GRIN3B: variants seen among roughly 807,000 people sequenced by gnomAD.
The protein encoded by GRIN3B is glutamate receptor ionotropic, NMDA 3B.
GRIN3B carries 77 observed loss-of-function variants against 66.0 expected under a neutral mutation model. That is an observed-to-expected ratio of 1.17 (90% CI 0.97 to 1.41). The LOEUF is 1.41. Among genes scored for constraint, GRIN3B ranks in the 40% most tolerant of loss-of-function variants. The pLI is 0.00. For synonymous variants in GRIN3B, 823 were observed against 749.7 expected (o/e 1.10, Z -1.60); for missense variants, 1,787 against 1,564.5 (o/e 1.14, Z -2.40).
rs78844421 is a variant in GRIN3B, at chr19:1,005,428, C to T, written c.1927C>T (p.Arg643Cys). 9,884 of 1,613,606 alleles carry T rather than the reference C, an allele frequency of 6.1e-3. 546 individuals carry two copies. In the African/African-American group the frequency reaches 0.12, roughly 19 times the overall value. The change falls in exon 3 of 9, where the codon CGC becomes TGC. Residue 643 changes from arginine to cysteine, a missense_variant. By Grantham distance (180) the Arg-to-Cys change is radical. Transcript: ENST00000234389. The surrounding 1 kb of genome is among the most constrained non-coding windows in gnomAD (Gnocchi z 5.2). ...CAAGACGCCCAAGTGCCCCACGGGC[C>T]GCCTGCTCATGAACCTCTGGGCCAT... Reference protein sequence around the residue: ...SSKTPKCPTGRLLMNLWAIFC... With the variant: ...SSKTPKCPTGCLLMNLWAIFC...
rs762909644 is a variant in GRIN3B, at chr19:1,007,747, C to A, written c.2172C>A (p.Thr724=). The change falls in exon 4 of 9, where the codon ACC becomes ACA. Residue 724 remains threonine (T), a synonymous_variant. Coordinates refer to ENST00000234389, the MANE Select transcript of GRIN3B (RefSeq NM_138690.3). The surrounding 1 kb of genome is among the most constrained non-coding windows in gnomAD (Gnocchi z 4.4). ...ACATGCGGCGCCACAGCGCGCCCACCACGCCCCGCGGCGTCGCCATGCTCA... is the reference window on the plus strand; with the variant it reads ...ACATGCGGCGCCACAGCGCGCCCACAACGCCCCGCGGCGTCGCCATGCTCA... ...HAHMRRHSAP[T]TPRGVAMLTS... is the part of the protein sequence containing the mutation. 7.9e-6 allele frequency: 12 copies of A among 1,520,496 alleles called. No individual in the cohort carries two copies. The highest frequency in any genetic ancestry group is 2.1e-5 in the Admixed American group (1 of 47,604). 94.2% of individuals were successfully genotyped at this position (1,520,496 alleles called of 1,614,324 possible).
chr19:1,008,484 G>A (rs1205616681), intron 6 of GRIN3B, 134 bp from the exon 7 acceptor site: 2 of 1,125,862 alleles, frequency 1.8e-6, no homozygotes, highest in Admixed American at 2.3e-5. Flanking sequence ...CCCAGCCATG[G>A]AGTCCCTGCC....
In GRIN3B at chr19:1,003,227, G is replaced by A. The variant is rs759432466; in HGVS notation, c.524G>A (p.Gly175Asp). Residue 175 changes from glycine to aspartate, a missense_variant, in exon 2 of 9, where the codon GGC becomes GAC. Physicochemically the swap from Gly to Asp is moderately conservative, Grantham distance 94. Transcript: ENST00000234389. ...CAGGCGCACGCCTGGGAAGACGTCG[G>A]CCTGGCCCTGTGCCGCACTCAGGAC... ...VLQAHAWEDVGLALCRTQDPG... is the reference protein window; with the variant it reads ...VLQAHAWEDVDLALCRTQDPG... The A allele has an allele frequency of 1.3e-6, 2 of 1,574,142 alleles. No individual in the cohort carries two copies. The highest frequency in any genetic ancestry group is 1.7e-6 in the Non-Finnish European group (2 of 1,161,832).
chr19:1,009,436 G>T lies in GRIN3B; in HGVS notation c.2966G>T (p.Arg989Leu), dbSNP rs1433816538. Residue 989 changes from arginine to leucine, a missense_variant, in exon 9 of 9, where the codon CGC becomes CTC. By Grantham distance (102) the Arg-to-Leu change is moderately radical. Transcript: ENST00000234389. ...QPGELQELER[R>L]IEVARERLRQ... ...GGGGAGCTGCAGGAGCTGGAGCGCC[G>T]CATCGAAGTCGCGCGTGAGCGGCTC... is the stretch of plus-strand genomic sequence containing the variant. 1.4e-6 allele frequency: 2 copies of T among 1,459,530 alleles called. No homozygotes were observed. Among genetic ancestry groups the T allele is most frequent in the Non-Finnish European group, 1.8e-6 (2 of 1,112,270 alleles). 90.4% of individuals were successfully genotyped at this position (1,459,530 alleles called of 1,614,324 possible).
chr19:1,004,824 G>A lies in GRIN3B; in HGVS notation c.1323G>A (p.Ala441=), dbSNP rs4806908. ...CAGACGAAGACGGGCAGTGCCCAGC[G>A]GGGCAGCTGTGCCTGGACCCTGGCA... The part of the protein sequence containing the change: ...RDPDEDGQCP[A]GQLCLDPGTN... The change falls in exon 3 of 9, where the codon GCG becomes GCA. Residue 441 remains alanine, a synonymous_variant. Transcript: ENST00000234389. The A allele has an allele frequency of 0.34, 543,061 of 1,611,982 alleles. 93,967 individuals carry two copies. Among genetic ancestry groups the A allele is most frequent in the Non-Finnish European group, 0.35 (416,117 of 1,179,130 alleles).
chr19:1,004,987 G>A lies in GRIN3B; in HGVS notation c.1486G>A (p.Glu496Lys), dbSNP rs148079660. The A allele has an allele frequency of 7.4e-6, 12 of 1,612,010 alleles. No individual in the cohort carries two copies. In the East Asian group the frequency reaches 1.6e-4, roughly 21 times the overall value. The change falls in exon 3 of 9, where the codon GAG becomes AAG. Residue 496 changes from glutamate (E) to lysine (K), a missense_variant. Coordinates refer to ENST00000234389, the MANE Select transcript of GRIN3B (RefSeq NM_138690.3). The stretch of plus-strand genomic sequence containing the variant: ...GGCGGAGGACACGCCCTTCGACTTC[G>A]AGCTGTACCTCGTGGGTGACGGCAA... The part of the protein sequence containing the change: ...RLAEDTPFDF[E>K]LYLVGDGKYG...
At chr19:1,009,152 C>T (rs1460520769) in intron 8 of GRIN3B, 21 bp from the exon 9 acceptor site, 2 of 1,454,514 alleles carry the variant, frequency 1.4e-6, no homozygotes, top group Admixed American at 2.7e-5. Context: ...CGGACACTGA[C>T]CAGGCCGGTT....
At position 1,000,702 on chromosome 19, in the gene GRIN3B, C is replaced by T. The variant is rs1036547423; in HGVS notation, c.265C>T (p.Arg89Cys). 19 of 1,403,346 alleles carry T rather than the reference C, an allele frequency of 1.4e-5. No homozygotes were observed. The African/African-American group carries it at 2.9e-4, about 21-fold the overall frequency. The allele number at this position is 1,403,346 out of a possible 1,614,324, so 86.9% of individuals were successfully genotyped here. A position where few individuals can be genotyped will look rare whatever the true frequency, so the allele number is the denominator to read the frequency against. Residue 89 changes from arginine to cysteine, a missense_variant, in exon 1 of 9, where the codon CGC becomes TGC. Transcript: ENST00000234389. Reference protein sequence around the residue: ...PPARDPASLTRGLCQALVPPG... With the variant: ...PPARDPASLTCGLCQALVPPG... ...CGCCCGCGACCCCGCCTCGCTGACC[C>T]GCGGCCTGTGCCAGGCGCTGGTGCC...
At position 1,000,733 on chromosome 19, in the gene GRIN3B, G is replaced by T. The variant is rs2038675809; in HGVS notation, c.296G>T (p.Gly99Val). 2 of 1,433,524 alleles carry T rather than the reference G, an allele frequency of 1.4e-6. No individual in the cohort carries two copies. The highest frequency in any genetic ancestry group is 6.1e-5 in the East Asian group (2 of 32,580). The allele number at this position is 1,433,524 out of a possible 1,614,324, so 88.8% of individuals were successfully genotyped here. Residue 99 changes from glycine to valine, a missense_variant, in exon 1 of 9, where the codon GGC (glycine) becomes GTC (valine). Coordinates refer to ENST00000234389, the MANE Select transcript of GRIN3B (RefSeq NM_138690.3). ...CTGTGCCAGGCGCTGGTGCCTCCGG[G>T]CGTGGCGGCCCTGCTCGCCTTTCCC... ...RGLCQALVPP[G>V]VAALLAFPEA...
At position 1,004,906 on chromosome 19, in the gene GRIN3B, C is replaced by T. The variant is rs933848477; in HGVS notation, c.1405C>T (p.Pro469Ser). ...CGCCGCGCTGGCCAACGGCTCAGCGCCCCGTGCCCTGCGCAAGTGCTGCTA... is the reference window on the plus strand; with the variant it reads ...CGCCGCGCTGGCCAACGGCTCAGCGTCCCGTGCCCTGCGCAAGTGCTGCTA... ...LFAALANGSA[P>S]RALRKCCYGY... The change falls in exon 3 of 9, where the codon CCC becomes TCC. Residue 469 changes from proline to serine, a missense_variant. Coordinates refer to ENST00000234389, the MANE Select transcript of GRIN3B (RefSeq NM_138690.3). 1.2e-6 allele frequency: 2 copies of T among 1,610,630 alleles called. No individual in the cohort carries two copies. Among genetic ancestry groups the T allele is most frequent in the Admixed American group, 1.7e-5 (1 of 59,916 alleles).
chr19:1,004,568 T>TTTA lies in GRIN3B; in HGVS notation c.1067_1068insTTA (p.Val356_Thr357insTer), dbSNP rs757226574. 33 of 1,348,900 alleles carry TTTA rather than the reference T, an allele frequency of 2.4e-5. No homozygotes were observed. In the East Asian group the frequency reaches 1.6e-3, roughly 65 times the overall value. The allele number at this position is 1,348,900 out of a possible 1,614,324, so 83.6% of individuals were successfully genotyped here. A position where few individuals can be genotyped will look rare whatever the true frequency, so the allele number is the denominator to read the frequency against. On this transcript the variant is annotated stop_gained and inframe_insertion, in exon 3 of 9. Coordinates refer to ENST00000234389, the MANE Select transcript of GRIN3B (RefSeq NM_138690.3). LOFTEE classifies it high-confidence loss of function. The stretch of plus-strand genomic sequence containing the variant: ...CAGGGCCGCACGGGCCCCGTGTGGG[T>TTTA]GACAGGCAGCTCCCAGGTACACATG...
At chr19:1,008,592 C>T (rs748293113) in intron 6 of GRIN3B, 26 bp from the exon 7 acceptor site, 18 of 1,588,138 alleles carry the variant, frequency 1.1e-5, no homozygotes, top group Admixed American at 5.0e-5. Context: ...CGTGACCGTG[C>T]GGGGCTCCTG....
chr19:1,001,145 C>G (rs958138775), intron 1 of GRIN3B, among the ~76,000 whole-genome samples: 2 of 152,050 alleles, frequency 1.3e-5, no homozygotes, highest in Admixed American at 1.3e-4. Flanking sequence ...CCCTTCCCAG[C>G]GCCCTGGTGA....
chr19:1,005,742 G>A lies in GRIN3B; in HGVS notation c.2052+189G>A, dbSNP rs12974513. Among the ~76,000 whole-genome samples, 4,129 of 152,284 alleles carry A rather than the reference G, an allele frequency of 0.027. 88 individuals carry two copies. The highest frequency in any genetic ancestry group is 0.085 in the East Asian group (440 of 5,174). Reference sequence around the variant, plus strand: ...TAGCCGGGCGCGGTGGCTCACGCCTGTAATCCCAGCACTTTGGGAGACCAA... The same window carrying A: ...TAGCCGGGCGCGGTGGCTCACGCCTATAATCCCAGCACTTTGGGAGACCAA... On this transcript the variant is annotated intron_variant, in intron 3 of 8. Transcript: ENST00000234389. The surrounding 1 kb of genome is among the most constrained non-coding windows in gnomAD (Gnocchi z 5.2).
chr19:1,001,776 C>A (rs2038686779), intron 1 of GRIN3B, among the ~76,000 whole-genome samples: 1 of 152,132 alleles, frequency 6.6e-6, no homozygotes, highest in African/African-American at 2.4e-5. Context: ...GGACCCCTGT[C>A]CCCCCACCGC....
At position 1,005,606 on chromosome 19, in the gene GRIN3B, G is replaced by A. The variant is rs55652923; in HGVS notation, c.2052+53G>A. On this transcript the variant is annotated intron_variant, in intron 3 of 8. Transcript: ENST00000234389. The surrounding 1 kb of genome is among the most constrained non-coding windows in gnomAD (Gnocchi z 5.2). ...GCCTTGGGGGGCTAGCGGTGGCCCC[G>A]GGCTGGGCTGTGTGGGGCAGGGGTG... is the stretch of plus-strand genomic sequence containing the variant. The A allele has an allele frequency of 0.022, 31,378 of 1,416,670 alleles. 1,301 individuals carry two copies. The highest frequency in any genetic ancestry group is 0.18 in the African/African-American group (12,623 of 70,094). The allele number at this position is 1,416,670 out of a possible 1,614,324, so 87.8% of individuals were successfully genotyped here.
chr19:1,005,534 C>T lies in GRIN3B; in HGVS notation c.2033C>T (p.Ser678Leu), dbSNP rs138448790. 1.4e-4 allele frequency: 217 copies of T among 1,602,766 alleles called. No homozygotes were observed. Among genetic ancestry groups the T allele is most frequent in the Non-Finnish European group, 1.7e-4 (204 of 1,173,744 alleles). Residue 678 changes from serine to leucine, a missense_variant, in exon 3 of 9, where the codon TCG becomes TTG. Physicochemically the swap from Ser to Leu is moderately radical, Grantham distance 145. Transcript: ENST00000234389. The surrounding 1 kb of genome is among the most constrained non-coding windows in gnomAD (Gnocchi z 5.2). ...GGGGACAAGACCTTCGAGGAGCTGT[C>T]GGGGATCCACGACCCCAAGGTGGGC... ...MVGDKTFEEL[S>L]GIHDPKLHHP...
At chr19:1,000,961 C>A in intron 1 of GRIN3B, 98 bp downstream of exon 1, 1 of 1,227,710 alleles carries the variant, frequency 8.1e-7, no homozygotes, top group Non-Finnish European at 1.0e-6. Context: ...GGTGCCGGGA[C>A]TACGCAGGGA....
Position 1,005,382 on chromosome 19 carries a change from C to G in GRIN3B, c.1881C>G (p.Leu627=), listed in dbSNP as rs2038737142. The G allele has an allele frequency of 6.2e-7, 1 of 1,613,652 alleles. No individual in the cohort carries two copies. Among genetic ancestry groups the G allele is most frequent in the Non-Finnish European group, 8.5e-7 (1 of 1,180,014 alleles). ...CCCTCAACCTGTGCTACGCCATCCT[C>G]TTCAGACGCACCGTGTCCAGCAAGA... ...SSALNLCYAI[L]FRRTVSSKTP... Residue 627 remains leucine (L), a synonymous_variant, in exon 3 of 9, where the codon CTC becomes CTG. Transcript: ENST00000234389. This position sits in a 1 kb window ranked among gnomAD's most constrained non-coding sequence, Gnocchi z 5.2.
Sources: allele counts gnomAD v4.1 joint callset (sites outside exome capture counted in the v4.1 genomes callset), GRCh38; gene constraint gnomAD v4.1.1; non-coding constraint Gnocchi (gnomAD v3.1); transcripts MANE v1.5; gene names NCBI Gene and HGNC (gene_info 2026-07-23, HGNC 2026-07-21).